CDKAL1: variants seen among roughly 807,000 people sequenced by gnomAD.
CDKAL1 encodes the protein CDKAL1 threonylcarbamoyladenosine tRNA methylthiotransferase.
In CDKAL1, 32 loss-of-function variants were observed where a neutral mutation model predicts 68.2. The ratio of observed to expected loss-of-function variants is 0.47; its 90% CI spans 0.35 to 0.63. The LOEUF (loss-of-function observed/expected upper bound fraction) is 0.63. Among genes scored for constraint, CDKAL1 ranks in the 30% least tolerant of loss-of-function variants. The pLI, the probability that CDKAL1 is intolerant of heterozygous loss-of-function variation, is 0.00. For synonymous variants in CDKAL1, 234 were observed against 244.3 expected (o/e 0.96, Z 0.39); for missense variants, 606 against 696.7 (o/e 0.87, Z 1.47).
intron 9 of CDKAL1, among the ~76,000 whole-genome samples, chr6:20,929,055 T>G (rs568878430): frequency 3.9e-5 from 6 of 152,296 alleles, no homozygotes; most frequent in African/African-American, 1.4e-4. Flanking sequence ...ATTACCCGCC[T>G]CCCTGCAGTT....
intron 13 of CDKAL1, among the ~76,000 whole-genome samples, chr6:21,180,538 G>A (rs945248230): frequency 6.6e-6 from 1 of 152,016 alleles, no homozygotes; most frequent in Non-Finnish European, 1.5e-5. Context: ...CTGATTTCTA[G>A]AAAGCCTCAG....
intron 4 of CDKAL1, among the ~76,000 whole-genome samples, chr6:20,558,135 G>T (rs1015634307): frequency 6.6e-6 from 1 of 152,150 alleles, no homozygotes; most frequent in Non-Finnish European, 1.5e-5. Context: ...AGCTGCCTTT[G>T]TGTGAGGATC....
At chr6:20,587,101 C>T (rs1765399449) in intron 4 of CDKAL1, among the ~76,000 whole-genome samples, 1 of 149,974 alleles carries the variant, frequency 6.7e-6, no homozygotes. Context: ...ATTCTCTTGC[C>T]CCAGCCTCCT....
intron 7 of CDKAL1, among the ~76,000 whole-genome samples, chr6:20,769,237 A>G (rs1019933346): frequency 2.7e-5 from 4 of 146,510 alleles, no homozygotes; most frequent in Admixed American, 6.9e-5. Flanking sequence ...TTAAGATGTC[A>G]TTCACAAACT....
At chr6:20,584,547 C>G (rs1765267000) in intron 4 of CDKAL1, among the ~76,000 whole-genome samples, 1 of 152,116 alleles carries the variant, frequency 6.6e-6, no homozygotes, top group Non-Finnish European at 1.5e-5. Context: ...TAACTGTGAT[C>G]CCTTTTCTTC....
intron 9 of CDKAL1, among the ~76,000 whole-genome samples, chr6:20,898,968 A>G (rs942565128): frequency 8.5e-5 from 13 of 152,148 alleles, no homozygotes; most frequent in African/African-American, 3.1e-4. Flanking sequence ...ATGGAGAGTC[A>G]GGGGGCTGCG....
chr6:20,714,406 T>TTTTTTTTTTTTG (rs1562046861), intron 5 of CDKAL1, among the ~76,000 whole-genome samples: 3 of 104,120 alleles, frequency 2.9e-5, no homozygotes, highest in Non-Finnish European at 5.5e-5. Flanking sequence ...TTTTTTTTTT[T>TTTTTTTTTTTTG]GAGACAGAAT....
chr6:20,722,989 C>T (rs553085974), intron 5 of CDKAL1, among the ~76,000 whole-genome samples: 1 of 152,256 alleles, frequency 6.6e-6, no homozygotes, highest in South Asian at 2.1e-4. Context: ...TCCATCTTCA[C>T]CATCCTTCAG....
At chr6:20,745,862 T>G (rs556051427) in intron 6 of CDKAL1, among the ~76,000 whole-genome samples, 2 of 152,262 alleles carry the variant, frequency 1.3e-5, no homozygotes, top group Non-Finnish European at 2.9e-5. Flanking sequence ...AAATTGTTTA[T>G]TAATTGGTAT....
At chr6:20,570,102 T>G (rs1291622170) in intron 4 of CDKAL1, among the ~76,000 whole-genome samples, 1 of 152,044 alleles carries the variant, frequency 6.6e-6, no homozygotes, top group Non-Finnish European at 1.5e-5. Context: ...TTATTTTTAA[T>G]TAATTAATTT....
rs1045751315 is a variant in CDKAL1 at position 20,546,638 on chromosome 6, C to T, written c.173+115C>T. The T allele has an allele frequency of 6.8e-6, 5 of 739,850 alleles. No homozygotes were observed. The African/African-American group carries it at 7.1e-5, about 11-fold the overall frequency. 45.8% of individuals were successfully genotyped at this position (739,850 alleles called of 1,614,324 possible). On this transcript the variant is annotated intron_variant, in intron 3 of 15. Coordinates refer to ENST00000274695, the MANE Select transcript of CDKAL1 (RefSeq NM_017774.3). ...GTGTGATCTCGGTTCACTGCAACCT[C>T]CTCCTCCTGGATTCAAGCTATTCTC...
At chr6:20,748,794 A>T (rs1773786162) in intron 6 of CDKAL1, among the ~76,000 whole-genome samples, 1 of 139,214 alleles carries the variant, frequency 7.2e-6, no homozygotes, top group Non-Finnish European at 1.6e-5. Flanking sequence ...CTGGACCTAG[A>T]TATCACTTTT....
At chr6:20,760,298 T>G (rs1342256276) in intron 7 of CDKAL1, among the ~76,000 whole-genome samples, 1 of 152,174 alleles carries the variant, frequency 6.6e-6, no homozygotes, top group Non-Finnish European at 1.5e-5. Flanking sequence ...TCTTTTGATG[T>G]TCCAAAATAA....
At chr6:21,045,009 C>T (rs548708435) in intron 11 of CDKAL1, among the ~76,000 whole-genome samples, 1 of 152,318 alleles carries the variant, frequency 6.6e-6, no homozygotes, top group African/African-American at 2.4e-5. Flanking sequence ...GTGCTCCCTT[C>T]AGCCTTGCCC....
At chr6:21,066,296 A>T (rs992013043) in intron 12 of CDKAL1, among the ~76,000 whole-genome samples, 1 of 152,140 alleles carries the variant, frequency 6.6e-6, no homozygotes, top group Non-Finnish European at 1.5e-5. Context: ...CTTTCTGTCT[A>T]TACAAGGGTA....
At chr6:20,666,434 C>CCT (rs1364824515) in intron 5 of CDKAL1, among the ~76,000 whole-genome samples, 1 of 150,790 alleles carries the variant, frequency 6.6e-6, no homozygotes, top group African/African-American at 2.5e-5. Flanking sequence ...CTTGATTTAG[C>CCT]AGTCCTGTGT....
At chr6:20,969,678 G>T (rs1239185869) in intron 10 of CDKAL1, among the ~76,000 whole-genome samples, 1 of 152,148 alleles carries the variant, frequency 6.6e-6, no homozygotes, top group Non-Finnish European at 1.5e-5. Context: ...GTTTTTGCAG[G>T]GAGGCCTGAT....
chr6:20,770,566 T>A (rs1250136796), intron 7 of CDKAL1, among the ~76,000 whole-genome samples: 1 of 152,208 alleles, frequency 6.6e-6, no homozygotes, highest in Non-Finnish European at 1.5e-5. Context: ...TGCCCAACAC[T>A]GTCATTTTTA....
intron 9 of CDKAL1, among the ~76,000 whole-genome samples, chr6:20,914,022 G>C (rs1762603001): frequency 6.6e-6 from 1 of 152,050 alleles, no homozygotes; most frequent in Non-Finnish European, 1.5e-5. Flanking sequence ...GGGCATGGTG[G>C]CTCACGCCTG....
Sources: gnomAD v4.1 joint callset for allele counts (sites outside exome capture counted in the v4.1 genomes callset) on GRCh38, gnomAD v4.1.1 for gene constraint, MANE v1.5 for transcripts, NCBI Gene and HGNC (gene_info 2026-07-23, HGNC 2026-07-21) for gene names.